Variants in PODNL1 observed in about 807,000 individuals in gnomAD.
PODNL1 encodes podocan like 1, also known as podocan-like protein 1.
A neutral mutation model predicts 45.1 loss-of-function variants in PODNL1; 50 were observed. That is an observed-to-expected ratio of 1.11 (90% confidence interval 0.88 to 1.40). The LOEUF (loss-of-function observed/expected upper bound fraction) is 1.40, where lower values mean the gene tolerates loss of function less well. Ranked by LOEUF, PODNL1 falls within the 40% of genes most tolerant of loss-of-function variation. PODNL1 has a pLI of 0.00. For missense variants in PODNL1, 788 were observed against 793.3 expected (o/e 0.99, Z 0.08); for synonymous variants, 406 against 372.5 (o/e 1.09, Z -1.04).
At chr19:13,937,522 A>T (rs959053934) in intron 2 of PODNL1, among the ~76,000 whole-genome samples, 5 of 150,186 alleles carry the variant, frequency 3.3e-5, no homozygotes, top group Admixed American at 6.7e-5. Context: ...TCCAAACAAC[A>T]CTATAACCGC....
Position 13,931,740 on chromosome 19 carries a change from G to A in PODNL1, c.1722C>T (p.Pro574=). 2 of 1,231,904 alleles carry A rather than the reference G, an allele frequency of 1.6e-6. No homozygotes were observed. Among genetic ancestry groups the A allele is most frequent in the Non-Finnish European group, 2.0e-6 (2 of 987,962 alleles). The allele number at this position is 1,231,904 out of a possible 1,614,324, so 76.3% of individuals were successfully genotyped here. ...GCTCTGCTGGGCCTCTCTAGGATCA[G>A]GGGCCCCCTGCCCGTGGCCCACGTG... ...TTPRGPRAGG[P] Residue 574 remains proline, a synonymous_variant, in exon 10 of 10, where the codon CCC becomes CCT. Transcript: ENST00000588872.
intron 8 of PODNL1, 31 bp from the exon 9 acceptor site, chr19:13,932,143 C>T: frequency 8.1e-7 from 1 of 1,234,310 alleles, no homozygotes; most frequent in Non-Finnish European, 1.0e-6. Context: ...GGCATCGTGG[C>T]AGCCCCAGGC....
In PODNL1 at chr19:13,933,387, G is replaced by C; in HGVS notation, c.836C>G (p.Pro279Arg). 1.2e-6 allele frequency: 2 copies of C among 1,606,664 alleles called. No homozygotes were observed. The highest frequency in any genetic ancestry group is 1.7e-6 in the Non-Finnish European group (2 of 1,178,466). ...NQLTTVPAGL[P>R]RTLAILHLGR... is the part of the protein sequence containing the mutation. ...CAGGTGCAGGATAGCCAGGGTCCGG[G>C]GCAGGCCGGCGGGCACTGTGGTCAG... The change falls in exon 8 of 10, where the codon CCC (proline) becomes CGC (arginine). Residue 279 changes from proline to arginine, a missense_variant. Physicochemically the swap from Pro to Arg is moderately radical, Grantham distance 103. Coordinates refer to ENST00000588872, the MANE Select transcript of PODNL1 (RefSeq NM_001370095.3). The surrounding 1 kb of genome is among the most constrained non-coding windows in gnomAD (Gnocchi z 5.2).
chr19:13,932,376 T>TC (rs1972008473), intron 8 of PODNL1: 1 of 493,146 alleles, frequency 2.0e-6, no homozygotes, highest in South Asian at 6.3e-5. Context: ...ACTTTTTTTT[T>TC]CAAGAGACAG....
intron 1 of PODNL1, among the ~76,000 whole-genome samples, chr19:13,948,774 C>CAAAA (rs781038849): frequency 2.5e-4 from 17 of 68,184 alleles, no homozygotes; most frequent in African/African-American, 7.4e-4. Context: ...CCTGCCTCTA[C>CAAAA]AAAAAAAAAA....
upstream of PODNL1, among the ~76,000 whole-genome samples, chr19:13,939,292 A>G (rs1209717134): frequency 6.6e-6 from 1 of 151,920 alleles, no homozygotes; most frequent in African/African-American, 2.4e-5. Flanking sequence ...GCTCACTGCA[A>G]CCTCCACCTC....
At chr19:13,946,165 C>T (rs1053068470) in intron 1 of PODNL1, among the ~76,000 whole-genome samples, 3 of 152,152 alleles carry the variant, frequency 2.0e-5, no homozygotes, top group Non-Finnish European at 4.4e-5. Flanking sequence ...GGTACAGTGG[C>T]TCATGCCTGT....
intron 1 of PODNL1, chr19:13,949,323 T>G (rs1443473082): frequency 2.0e-5 from 3 of 151,986 alleles, no homozygotes; most frequent in Non-Finnish European, 4.4e-5. Flanking sequence ...TTATTATTAT[T>G]AAAGACAGGG....
At chr19:13,936,630 C>G (rs1263769346) in intron 2 of PODNL1, among the ~76,000 whole-genome samples, 170 bp from the exon 3 acceptor site, 2 of 151,084 alleles carry the variant, frequency 1.3e-5, no homozygotes, top group African/African-American at 2.4e-5. Flanking sequence ...GCCAAGATGT[C>G]AAACCCCAAA....
rs199988472 is a variant in PODNL1, at chr19:13,933,925, G to A, written c.720C>T (p.Leu240=). 3 of 1,612,636 alleles carry A rather than the reference G, an allele frequency of 1.9e-6. No individual in the cohort carries two copies. Among genetic ancestry groups the A allele is most frequent in the Admixed American group, 3.3e-5 (2 of 59,836 alleles). Residue 240 remains leucine, a synonymous_variant, in exon 7 of 10, where the codon CTC becomes CTT. Coordinates refer to ENST00000588872, the MANE Select transcript of PODNL1 (RefSeq NM_001370095.3). The surrounding 1 kb of genome is among the most constrained non-coding windows in gnomAD (Gnocchi z 5.2). ...SRQTQLRELY[L]QHNQLTDSGL... ...CACTGTCTGTCAGCTGGTTGTGCTG[G>A]AGGTAGAGCTCACGGAGTTGAGTCT...
intron 8 of PODNL1, 193 bp from the exon 9 acceptor site, chr19:13,932,305 C>T (rs377600389): frequency 3.5e-5 from 21 of 608,276 alleles, no homozygotes; most frequent in Non-Finnish European, 4.6e-5. Flanking sequence ...AAGGCACAGA[C>T]AGACAGGTCC....
At chr19:13,941,699 G>C (rs1371166659), upstream of PODNL1, among the ~76,000 whole-genome samples, 1 of 152,146 alleles carries the variant, frequency 6.6e-6, no homozygotes, top group East Asian at 1.9e-4. Flanking sequence ...TATAATCCCA[G>C]CTACTTGGGA....
intron 1 of PODNL1, among the ~76,000 whole-genome samples, chr19:13,949,874 T>TTA (rs1366762375): frequency 6.6e-6 from 1 of 151,060 alleles, no homozygotes; most frequent in African/African-American, 2.4e-5. Flanking sequence ...ATTTATTTAT[T>TTA]TTTTTTTTGA....
At chr19:13,934,674 T>C (rs763737813) in intron 5 of PODNL1, among the ~76,000 whole-genome samples, 4 of 151,392 alleles carry the variant, frequency 2.6e-5, no homozygotes, top group Admixed American at 6.6e-5. Flanking sequence ...GTGTAATGAG[T>C]GCATATGTGG....
rs1056217822 is a variant in PODNL1, at chr19:13,951,040, A to G, written c.18+2079T>C. 1.6e-3 allele frequency among the ~76,000 whole-genome samples: 222 copies of G among 135,632 alleles called. 1 individual carries two copies. Among genetic ancestry groups the G allele is most frequent in the South Asian group, 4.0e-3 (17 of 4,274 alleles). The allele number at this position is 135,632 out of a possible 152,430, so 89.0% of individuals were successfully genotyped here. ...CTCCAGCCTGGGCAACAAGAGCAAAACTCCATCTCAAAAAAAAAAAAAAAA... is the reference window on the plus strand; with the variant it reads ...CTCCAGCCTGGGCAACAAGAGCAAAGCTCCATCTCAAAAAAAAAAAAAAAA... On this transcript the variant is annotated intron_variant, in intron 1 of 7. Coordinates refer to the PODNL1 transcript ENST00000538371.
At chr19:13,951,762 A>G (rs1207203339) in intron 1 of PODNL1, among the ~76,000 whole-genome samples, 1 of 151,724 alleles carries the variant, frequency 6.6e-6, no homozygotes, top group Non-Finnish European at 1.5e-5. Context: ...ACAAAGTGAG[A>G]CTCTGTCTAA....
chr19:13,934,518 T>C (rs1056265338), intron 5 of PODNL1, 108 bp from the exon 6 acceptor site: 32 of 1,113,722 alleles, frequency 2.9e-5, no homozygotes, highest in Non-Finnish European at 3.7e-5. Context: ...TGTGTGTGTG[T>C]GTGTGTGTGC....
chr19:13,951,952 C>T (rs2145475713), intron 1 of PODNL1, among the ~76,000 whole-genome samples: 1 of 152,338 alleles, frequency 6.6e-6, no homozygotes, highest in East Asian at 1.9e-4. Context: ...CTATCATTAT[C>T]ACCACCATCA....
intron 8 of PODNL1, 50 bp downstream of exon 8, chr19:13,932,748 G>C (rs892219040): frequency 2.5e-6 from 4 of 1,612,110 alleles, no homozygotes; most frequent in Non-Finnish European, 3.4e-6. Context: ...GGGCAGGCAG[G>C]GGGATGGAGG....
Sources: gnomAD v4.1 joint callset for allele counts (sites outside exome capture counted in the v4.1 genomes callset) on GRCh38, gnomAD v4.1.1 for gene constraint, Gnocchi (gnomAD v3.1) non-coding constraint, MANE v1.5 for transcripts, NCBI Gene and HGNC (gene_info 2026-07-23, HGNC 2026-07-21) for gene names.